The following EBF1 variants were observed in gnomAD, a reference collection of about 807,000 sequenced individuals.
EBF1 encodes EBF transcription factor 1, also known as transcription factor COE1.
Under a neutral mutation model 68.4 loss-of-function variants are expected in EBF1, and 10 were observed. The ratio of observed to expected loss-of-function variants is 0.15; its 90% CI spans 0.09 to 0.25. The LOEUF (loss-of-function observed/expected upper bound fraction) is 0.25, where lower values mean the gene tolerates loss of function less well. Ranked by LOEUF, EBF1 falls within the 10% of genes least tolerant of loss-of-function variation. EBF1 has a pLI of 1.00. For synonymous variants in EBF1, 298 were observed against 299.8 expected (o/e 0.99, Z 0.06); for missense variants, 509 against 794.4 (o/e 0.64, Z 4.32).
At chr5:158,813,026 T>C (rs958541121) in intron 8 of EBF1, among the ~76,000 whole-genome samples, 3 of 152,164 alleles carry the variant, frequency 2.0e-5, no homozygotes, top group Non-Finnish European at 4.4e-5. Context: ...TCCTGGTGAC[T>C]TGAAAGAATT....
intron 6 of EBF1, among the ~76,000 whole-genome samples, chr5:158,867,725 A>AT (rs1248109511): frequency 2.6e-5 from 4 of 152,304 alleles, no homozygotes; most frequent in African/African-American, 9.6e-5. Flanking sequence ...ATATGGTTAG[A>AT]TATTTTATTG....
intron 5 of EBF1, among the ~76,000 whole-genome samples, chr5:159,079,323 C>A (rs956047174): frequency 6.6e-6 from 1 of 152,164 alleles, no homozygotes; most frequent in African/African-American, 2.4e-5. Context: ...CTTCAGTTTG[C>A]AAACATTATC....
At chr5:159,003,865 G>C (rs1293156237) in intron 6 of EBF1, among the ~76,000 whole-genome samples, 1 of 152,230 alleles carries the variant, frequency 6.6e-6, no homozygotes. Context: ...GGATGAGTAA[G>C]TGGTGTAGTC....
chr5:158,696,343 A>AAAT lies in EBF1; in HGVS notation c.*2765_*2767dup, dbSNP rs1250510417. ...GAATGTCTTTTCATCTAATCAATAG[A>AAAT]AATAGAAGCAACAAAACACAAATTA... is the stretch of plus-strand genomic sequence containing the variant. On this transcript the variant is annotated 3_prime_UTR_variant, in exon 16 of 16. Coordinates refer to ENST00000313708, the MANE Select transcript of EBF1 (RefSeq NM_024007.5). 2 of 222,024 alleles carry AAAT rather than the reference A, an allele frequency of 9.0e-6. No homozygotes were observed. Among genetic ancestry groups the AAAT allele is most frequent in the African/African-American group, 4.5e-5 (2 of 44,622 alleles). The allele number at this position is 222,024 out of a possible 1,614,324, so 13.8% of individuals were successfully genotyped here.
rs753114559 is a variant in EBF1 at position 158,823,179 on chromosome 5, G to T, written c.775C>A (p.His259Asn). Residue 259 changes from histidine to asparagine, a missense_variant, in exon 8 of 16, where the codon CAT becomes AAT. This residue lies in a region of EBF1 where 230 missense variants were observed against 467.7 expected (regional missense o/e 0.49). Transcript: ENST00000313708. Reference sequence around the variant, plus strand: ...CCAATGAAAATGATTCGCCTACCATGTTCCAGATAAGAGGGCGTACCTTCC... The same window carrying T: ...CCAATGAAAATGATTCGCCTACCATTTTCCAGATAAGAGGGCGTACCTTCC... ...PSEGTPSYLEHATPCIKAISP... is the reference protein window; with the variant it reads ...PSEGTPSYLENATPCIKAISP... 1.1e-5 allele frequency: 17 copies of T among 1,613,940 alleles called. No individual in the cohort carries two copies. Among genetic ancestry groups the T allele is most frequent in the Non-Finnish European group, 1.3e-5 (15 of 1,179,864 alleles).
chr5:158,811,585 A>C (rs776044928), intron 8 of EBF1, among the ~76,000 whole-genome samples: 4 of 152,224 alleles, frequency 2.6e-5, no homozygotes, highest in Non-Finnish European at 5.9e-5. Flanking sequence ...GAGCATTAAA[A>C]GAGATCATAC....
intron 7 of EBF1, among the ~76,000 whole-genome samples, chr5:158,828,287 C>T (rs1430781819): frequency 6.6e-6 from 1 of 152,072 alleles, no homozygotes; most frequent in Non-Finnish European, 1.5e-5. Context: ...ATTGTTCCTC[C>T]CCCAGAAATT....
intron 15 of EBF1, 90 bp downstream of exon 15, chr5:158,707,889 C>T (rs1314405383): frequency 1.4e-6 from 2 of 1,404,900 alleles, no homozygotes; most frequent in African/African-American, 1.4e-5. Context: ...AGGCTGATAC[C>T]CTCAGCAATG....
chr5:158,946,097 G>C (rs1472994288), intron 6 of EBF1, among the ~76,000 whole-genome samples: 1 of 152,030 alleles, frequency 6.6e-6, no homozygotes, highest in Admixed American at 6.6e-5. Context: ...CTTTTATCAA[G>C]GTTCTTAGCT....
chr5:159,076,313 A>T (rs1034297761), intron 5 of EBF1, among the ~76,000 whole-genome samples: 6 of 152,196 alleles, frequency 3.9e-5, no homozygotes, highest in African/African-American at 1.4e-4. Flanking sequence ...GAAGAATAAA[A>T]GGGTGACAGA....
At position 158,983,584 on chromosome 5, in the gene EBF1, C is replaced by T. The variant is rs530988475; in HGVS notation, c.554+89812G>A. On this transcript the variant is annotated intron_variant, in intron 6 of 15. Coordinates refer to ENST00000313708, the MANE Select transcript of EBF1 (RefSeq NM_024007.5). The stretch of plus-strand genomic sequence containing the variant: ...ACATTTAATTATTGCGTGGATGCAA[C>T]GACATGAAGAAGAACATGTCATTTA... The T allele has an allele frequency of 3.9e-5, 6 of 152,108 alleles. No individual in the cohort carries two copies. The East Asian group carries it at 1.2e-3, about 29-fold the overall frequency. 9.4% of individuals were successfully genotyped at this position (152,108 alleles called of 1,614,324 possible). A position where few individuals can be genotyped will look rare whatever the true frequency, so the allele number is the denominator to read the frequency against.
At position 158,874,062 on chromosome 5, in the gene EBF1, T is replaced by C. The variant is rs116690192; in HGVS notation, c.555-33952A>G. Among the ~76,000 whole-genome samples the C allele has an allele frequency of 6.8e-3, 1,037 of 152,286 alleles. 10 individuals carry two copies. Among genetic ancestry groups the C allele is most frequent in the African/African-American group, 0.024 (995 of 41,548 alleles). ...TGTTTGTTAGTGATTTGTATAGAGT[T>C]GGAAGTTCCTAGGCCAGAGGAAAAT... On this transcript the variant is annotated intron_variant, in intron 6 of 15. Coordinates refer to ENST00000313708, the MANE Select transcript of EBF1 (RefSeq NM_024007.5).
At chr5:158,764,655 A>C (rs563735307) in intron 10 of EBF1, among the ~76,000 whole-genome samples, 7 of 152,352 alleles carry the variant, frequency 4.6e-5, no homozygotes, top group African/African-American at 1.7e-4. Flanking sequence ...CTGTCAATAA[A>C]AGAACTACAT....
At chr5:159,045,040 T>TTTTATTTATGTTTTTA (rs1772059776) in intron 6 of EBF1, among the ~76,000 whole-genome samples, 1 of 152,186 alleles carries the variant, frequency 6.6e-6, no homozygotes, top group African/African-American at 2.4e-5. Flanking sequence ...TTTGAGTGTC[T>TTTTATTTATGTTTTTA]TTTATTTATG....
Position 158,881,825 on chromosome 5 carries a change from T to C in EBF1, c.555-41715A>G, listed in dbSNP as rs201615074. 2.0e-5 allele frequency among the ~76,000 whole-genome samples: 3 copies of C among 152,288 alleles called. No homozygotes were observed. The East Asian group carries it at 5.8e-4, about 29-fold the overall frequency. On this transcript the variant is annotated intron_variant, in intron 6 of 15. Coordinates refer to ENST00000313708, the MANE Select transcript of EBF1 (RefSeq NM_024007.5). ...CTCAGGGAGGACTGGAAGGTTACAC[T>C]GCACCCCAACCAGCAATGCAGGGAT...
In EBF1 at chr5:158,697,153, G is replaced by C. The variant is rs1196328432; in HGVS notation, c.*1958C>G. On this transcript the variant is annotated 3_prime_UTR_variant, in exon 16 of 16. Transcript: ENST00000313708. Reference sequence around the variant, plus strand: ...CAAAATGCGTCACTCCAAAGGGAGAGATTCCATGCATATTAATAGAGTAAA... The same window carrying C: ...CAAAATGCGTCACTCCAAAGGGAGACATTCCATGCATATTAATAGAGTAAA... 5.2e-6 allele frequency: 1 copy of C among 193,782 alleles called. No individual in the cohort carries two copies. Among genetic ancestry groups the C allele is most frequent in the African/African-American group, 2.3e-5 (1 of 43,122 alleles). The allele number at this position is 193,782 out of a possible 1,614,324, so 12.0% of individuals were successfully genotyped here. A position where few individuals can be genotyped will look rare whatever the true frequency, so the allele number is the denominator to read the frequency against.
At chr5:158,891,774 ACTCT>A (rs1303819015) in intron 6 of EBF1, among the ~76,000 whole-genome samples, 1 of 151,234 alleles carries the variant, frequency 6.6e-6, no homozygotes, top group Non-Finnish European at 1.5e-5. Context: ...TGAATGTTCA[ACTCT>A]CTCTTACTCT....
At chr5:158,851,376 AGGGAAGGGGAAT>A (rs1397335459) in intron 6 of EBF1, among the ~76,000 whole-genome samples, 6 of 85,262 alleles carry the variant, frequency 7.0e-5, no homozygotes, top group Admixed American at 1.7e-4. Flanking sequence ...AGGAAAGGGA[AGGGAAGGGGAAT>A]GGGAGGGGGA....
chr5:158,818,102 T>C (rs554758629), intron 8 of EBF1, among the ~76,000 whole-genome samples: 1 of 152,078 alleles, frequency 6.6e-6, no homozygotes, highest in East Asian at 1.9e-4. Flanking sequence ...TCACTGGACA[T>C]ACAAAACTGA....
Sources: allele counts gnomAD v4.1 joint callset (sites outside exome capture counted in the v4.1 genomes callset), GRCh38; gene constraint gnomAD v4.1.1; regional missense constraint gnomAD v4.1.1; transcripts MANE v1.5; gene names NCBI Gene and HGNC (gene_info 2026-07-23, HGNC 2026-07-21).